ARHGAP44: variants seen among roughly 807,000 people sequenced by gnomAD.
The protein encoded by ARHGAP44 is Rho GTPase activating protein 44, also known as rho GTPase-activating protein 44.
Under a neutral mutation model 106.8 loss-of-function variants are expected in ARHGAP44, and 43 were observed. The ratio of observed to expected loss-of-function variants is 0.40; its 90% CI spans 0.32 to 0.52. The LOEUF is 0.52. ARHGAP44 is among the 20% of genes least tolerant of loss of function. The pLI, the probability that ARHGAP44 is intolerant of heterozygous loss-of-function variation, is 0.48. For synonymous variants in ARHGAP44, 439 were observed against 410.3 expected, an observed-to-expected ratio of 1.07 and a Z score of -0.85; for missense variants, 866 against 1,050.5, an observed-to-expected ratio of 0.82 and a Z score of 2.43.
At chr17:12,850,028 T>A (rs1313793891) in intron 1 of ARHGAP44, among the ~76,000 whole-genome samples, 1 of 152,186 alleles carries the variant, frequency 6.6e-6, no homozygotes, top group Non-Finnish European at 1.5e-5. Flanking sequence ...CAGGTTCTCT[T>A]TGGCCTGCTA....
At chr17:12,873,926 TAAACAAATAAATAAATA>T (rs1302590452) in intron 1 of ARHGAP44, among the ~76,000 whole-genome samples, 1,235 of 34,070 alleles carry the variant, frequency 0.036, 19 homozygotes, top group African/African-American at 0.044. Context: ...AATAAATAAA[TAAACAAATAAATAAATA>T]AATAAATAAA....
chr17:12,923,089 A>C (rs1054069653), intron 6 of ARHGAP44, among the ~76,000 whole-genome samples: 4 of 152,196 alleles, frequency 2.6e-5, no homozygotes, highest in African/African-American at 9.7e-5. Context: ...AGACTAAAAA[A>C]GTCTTGTTTG....
rs1325034673 is a variant in ARHGAP44 at position 12,974,349 on chromosome 17, C to G, written c.1763+39C>G. On this transcript the variant is annotated intron_variant, in intron 18 of 20. Transcript: ENST00000379672. ...ACTGCCGTCCGGGCGGGCTGGTGTG[C>G]GGTGCAGGGGGTGTCTGGGTTGGCC... 2.2e-6 allele frequency: 3 copies of G among 1,375,798 alleles called. No homozygotes were observed. In the African/African-American group the frequency reaches 4.6e-5, roughly 21 times the overall value. The allele number at this position is 1,375,798 out of a possible 1,614,324, so 85.2% of individuals were successfully genotyped here.
intron 5 of ARHGAP44, among the ~76,000 whole-genome samples, chr17:12,916,835 G>T (rs750283427): frequency 9.9e-5 from 15 of 152,166 alleles, no homozygotes; most frequent in Non-Finnish European, 2.2e-4. Context: ...AAATGCTTGG[G>T]GAGCTTTGAA....
intron 3 of ARHGAP44, among the ~76,000 whole-genome samples, chr17:12,901,437 G>A (rs533636891): frequency 4.7e-4 from 72 of 152,126 alleles, no homozygotes; most frequent in Non-Finnish European, 8.5e-4. Context: ...TATGAATAAA[G>A]GACTCATGGG....
In ARHGAP44 at chr17:12,984,795, G is replaced by C. The variant is rs1225611444; in HGVS notation, c.2204G>C (p.Arg735Thr). ...CGGCCCACTCCTAAGCCGCGACAGA[G>C]ACCTACTCTGCCGCCTCCTCAGCCT... Reference protein sequence around the residue: ...KSRPTPKPRQRPTLPPPQPPT... With the variant: ...KSRPTPKPRQTPTLPPPQPPT... The change falls in exon 20 of 21, where the codon AGA (arginine) becomes ACA (threonine). Residue 735 changes from arginine (R) to threonine (T), a missense_variant. Around this residue, in one of 2 missense-constraint regions of ARHGAP44, gnomAD observed 418 missense variants for 403.6 expected, o/e 1.04. Coordinates refer to ENST00000379672, the MANE Select transcript of ARHGAP44 (RefSeq NM_014859.6). 1 of 1,613,922 alleles carries C rather than the reference G, an allele frequency of 6.2e-7. No homozygotes were observed. The highest frequency in any genetic ancestry group is 1.7e-5 in the Admixed American group (1 of 60,022).
At chr17:12,952,761 T>G (rs1231353192) in intron 13 of ARHGAP44, among the ~76,000 whole-genome samples, 180 bp downstream of exon 13, 2 of 122,770 alleles carry the variant, frequency 1.6e-5, no homozygotes, top group African/African-American at 3.4e-5. Flanking sequence ...TGAGACAGAG[T>G]CTCACTGTGT....
At chr17:12,837,449 T>C (rs573224758) in intron 1 of ARHGAP44, among the ~76,000 whole-genome samples, 2 of 152,240 alleles carry the variant, frequency 1.3e-5, no homozygotes, top group African/African-American at 2.4e-5. Flanking sequence ...TTTTAACATA[T>C]AGTTGATTGG....
intron 16 of ARHGAP44, among the ~76,000 whole-genome samples, chr17:12,967,111 T>G (rs2039409582): frequency 8.5e-6 from 1 of 117,054 alleles, no homozygotes; most frequent in Non-Finnish European, 1.7e-5. Context: ...ATTTTTTTTT[T>G]TTTGTTTTGC....
chr17:12,882,174 TA>T (rs1287801151), intron 1 of ARHGAP44, among the ~76,000 whole-genome samples: 2 of 152,218 alleles, frequency 1.3e-5, no homozygotes, highest in East Asian at 1.9e-4. Context: ...TGTCTTTTAC[TA>T]ATTTTTAAAT....
intron 5 of ARHGAP44, among the ~76,000 whole-genome samples, chr17:12,916,389 A>G (rs1398779568): frequency 6.6e-6 from 1 of 151,178 alleles, no homozygotes; most frequent in Non-Finnish European, 1.5e-5. Context: ...CTGCAGTTTT[A>G]TGTTTTTTTT....
rs2038021352 is a variant in ARHGAP44, at chr17:12,919,777, A to T, written c.410A>T (p.Lys137Met). The T allele has an allele frequency of 6.2e-7, 1 of 1,613,194 alleles. No homozygotes were observed. The highest frequency in any genetic ancestry group is 8.5e-7 in the Non-Finnish European group (1 of 1,179,570). Residue 137 changes from lysine to methionine, a missense_variant, in exon 6 of 21, where the codon AAG becomes ATG. Physicochemically the swap from Lys to Met is moderately conservative, Grantham distance 95 (BLOSUM62 -1). Transcript: ENST00000379672. ...CAGGTGGAAATCCCAAATATTCAAA[A>T]GCAGAGGAAACACTTAGCCAAGTTG... ...LAEVEIPNIQ[K>M]QRKHLAKLVL...
intron 1 of ARHGAP44, among the ~76,000 whole-genome samples, chr17:12,841,637 C>CACACACACAA (rs1555546100): frequency 4.9e-5 from 5 of 101,700 alleles, no homozygotes; most frequent in East Asian, 3.0e-4. Context: ...CACACACACA[C>CACACACACAA]ACAAACAAAC....
At chr17:12,931,268 C>G (rs899640239) in intron 7 of ARHGAP44, among the ~76,000 whole-genome samples, 1 of 151,616 alleles carries the variant, frequency 6.6e-6, no homozygotes, top group Non-Finnish European at 1.5e-5. Context: ...GACAGGGTTT[C>G]GCCGTGTTGG....
At chr17:12,923,292 C>G (rs1230271068) in intron 6 of ARHGAP44, among the ~76,000 whole-genome samples, 2 of 151,990 alleles carry the variant, frequency 1.3e-5, no homozygotes, top group Non-Finnish European at 2.9e-5. Flanking sequence ...TTCACTGCAA[C>G]CTCCACCTCC....
intron 1 of ARHGAP44, among the ~76,000 whole-genome samples, chr17:12,854,997 A>G (rs2035866727): frequency 6.7e-6 from 1 of 150,308 alleles, no homozygotes; most frequent in Non-Finnish European, 1.5e-5. Flanking sequence ...CAGTGTCTCT[A>G]TGTCCACACA....
intron 13 of ARHGAP44, 58 bp from the exon 14 acceptor site, chr17:12,955,808 CG>C (rs3214256): frequency 2.9e-6 from 3 of 1,043,664 alleles, no homozygotes. Flanking sequence ...GTCCAGTCCC[CG>C]GGGGACATGG....
intron 10 of ARHGAP44, among the ~76,000 whole-genome samples, chr17:12,946,008 C>T (rs2038841523): frequency 6.6e-6 from 1 of 152,168 alleles, no homozygotes; most frequent in Non-Finnish European, 1.5e-5. Context: ...ATCCGTCCAC[C>T]TCGGCCTCCC....
At chr17:12,898,070 A>G (rs773376482) in intron 3 of ARHGAP44, among the ~76,000 whole-genome samples, 30 of 152,256 alleles carry the variant, frequency 2.0e-4, no homozygotes, top group Non-Finnish European at 4.0e-4. Context: ...CCCCAAGAGA[A>G]GGGGACAGGC....
Sources: allele counts gnomAD v4.1 joint callset (sites outside exome capture counted in the v4.1 genomes callset), GRCh38; gene constraint gnomAD v4.1.1; regional missense constraint gnomAD v4.1.1; transcripts MANE v1.5; gene names NCBI Gene and HGNC (gene_info 2026-07-23, HGNC 2026-07-21).